The following SSX2IP variants were observed in gnomAD, a reference collection of about 807,000 sequenced individuals.
SSX2IP encodes the protein SSX family member 2 interacting protein.
Under a neutral mutation model 84.9 loss-of-function variants are expected in SSX2IP, and 55 were observed. The ratio of observed to expected loss-of-function variants is 0.65; its 90% CI spans 0.52 to 0.81. The LOEUF (loss-of-function observed/expected upper bound fraction) is 0.81. Among genes scored for constraint, SSX2IP ranks in the 30% least tolerant of loss-of-function variants. SSX2IP has a pLI of 0.00. For synonymous variants in SSX2IP, 239 were observed against 234.7 expected, an observed-to-expected ratio of 1.02 and a Z score of -0.17; for missense variants, 664 against 705.2, an observed-to-expected ratio of 0.94 and a Z score of 0.66.
At chr1:84,669,546 T>C (rs562391303) in intron 4 of SSX2IP, 135 bp downstream of exon 4, 29 of 688,466 alleles carry the variant, frequency 4.2e-5, no homozygotes, top group Admixed American at 5.8e-5. Flanking sequence ...AAATTATAAG[T>C]TCACTTTTAC....
At position 84,662,185 on chromosome 1, in the gene SSX2IP, A is replaced by G. The variant is rs1652094284; in HGVS notation, c.927+13T>C. The G allele has an allele frequency of 6.5e-7, 1 of 1,541,890 alleles. No individual in the cohort carries two copies. Among genetic ancestry groups the G allele is most frequent in the African/African-American group, 1.4e-5 (1 of 71,906 alleles). ...AATCTGAAGACTGTATTAGAGAGGA[A>G]AGAGCCACTTACAGTTCCTGTACTA... On this transcript the variant is annotated intron_variant, in intron 8 of 13. Coordinates refer to ENST00000342203, the MANE Select transcript of SSX2IP (RefSeq NM_001166293.2).
chr1:84,675,278 T>C (rs1166484261), intron 1 of SSX2IP, among the ~76,000 whole-genome samples: 1 of 152,190 alleles, frequency 6.6e-6, no homozygotes, highest in Non-Finnish European at 1.5e-5. Flanking sequence ...GAGAACAAAC[T>C]TAGTTTTCTA....
chr1:84,682,027 C>T (rs1254765568), intron 1 of SSX2IP, among the ~76,000 whole-genome samples: 1 of 152,216 alleles, frequency 6.6e-6, no homozygotes, highest in Non-Finnish European at 1.5e-5. Flanking sequence ...TTAACACCCT[C>T]TTCAAAAACA....
At chr1:84,664,662 TCC>T in intron 5 of SSX2IP, 110 bp from the exon 6 acceptor site, 1 of 952,038 alleles carries the variant, frequency 1.1e-6, no homozygotes, top group Non-Finnish European at 1.5e-6. Flanking sequence ...GGATGATTCT[TCC>T]TTATTTGTAA....
At position 84,644,416 on chromosome 1, in the gene SSX2IP, A is replaced by G. The variant is rs1223906192; in HGVS notation, c.*3017T>C. On this transcript the variant is annotated 3_prime_UTR_variant, in exon 14 of 14. Transcript: ENST00000342203. ...CACCAAGGATTGGAAAGCAGTAGTA[A>G]GCCTTGACATACAGCAGGTACTTAA... 6.6e-6 allele frequency: 1 copy of G among 152,234 alleles called. No individual in the cohort carries two copies. Among genetic ancestry groups the G allele is most frequent in the Non-Finnish European group, 1.5e-5 (1 of 68,036 alleles). 9.4% of individuals were successfully genotyped at this position (152,234 alleles called of 1,614,324 possible).
At position 84,669,849 on chromosome 1, in the gene SSX2IP, T is replaced by C; in HGVS notation, c.258A>G (p.Lys86=). 1 of 1,613,442 alleles carries C rather than the reference T, an allele frequency of 6.2e-7. No homozygotes were observed. Among genetic ancestry groups the C allele is most frequent in the Non-Finnish European group, 8.5e-7 (1 of 1,179,582 alleles). The change falls in exon 4 of 14, where the codon AAA becomes AAG. Residue 86 remains lysine, a synonymous_variant. Transcript: ENST00000342203. ...FGFPSLYEES[K]GKETKRELNI... Reference sequence around the variant, plus strand: ...TTAACTCTCTCTTTGTCTCTTTACCTTTGGATTCTTCATATAATGAAGGAA... The same window carrying C: ...TTAACTCTCTCTTTGTCTCTTTACCCTTGGATTCTTCATATAATGAAGGAA...
At chr1:84,680,030 G>C (rs1654866684) in intron 1 of SSX2IP, among the ~76,000 whole-genome samples, 3 of 152,134 alleles carry the variant, frequency 2.0e-5, no homozygotes, top group Non-Finnish European at 1.5e-5. Flanking sequence ...TTAAGAACCA[G>C]AAAAAACAGA....
intron 8 of SSX2IP, among the ~76,000 whole-genome samples, chr1:84,661,966 C>G (rs1403340998): frequency 6.6e-6 from 1 of 152,114 alleles, no homozygotes; most frequent in East Asian, 1.9e-4. Context: ...CACTTCTTAA[C>G]AGTGCTTGAC....
In SSX2IP at chr1:84,656,357, C is replaced by T. The variant is rs781364723; in HGVS notation, c.1206G>A (p.Gln402=). The change falls in exon 10 of 14, where the codon CAG becomes CAA. Residue 402 remains glutamine (Q), a synonymous_variant. Transcript: ENST00000342203. ...QCKEMIKTQQ[Q]LLQQQLATAY... ...GGTAATTCATATTCACCTGTAAAAG[C>T]TGTTGCTGAGTTTTAATCATTTCTT... is the stretch of plus-strand genomic sequence containing the variant. 3 of 1,610,522 alleles carry T rather than the reference C, an allele frequency of 1.9e-6. No homozygotes were observed. The highest frequency in any genetic ancestry group is 2.5e-6 in the Non-Finnish European group (3 of 1,178,924).
At chr1:84,653,586 A>G (rs1650645614) in intron 11 of SSX2IP, among the ~76,000 whole-genome samples, 1 of 152,194 alleles carries the variant, frequency 6.6e-6, no homozygotes, top group Non-Finnish European at 1.5e-5. Flanking sequence ...AATGTGGGGA[A>G]TAAGGGCTTG....
At chr1:84,649,832 G>A (rs1649963848) in intron 13 of SSX2IP, 1 of 420,818 alleles carries the variant, frequency 2.4e-6, no homozygotes, top group African/African-American at 2.1e-5. Flanking sequence ...CCAAAATGTA[G>A]CAATTAAGAG....
intron 2 of SSX2IP, 129 bp from the exon 3 acceptor site, chr1:84,670,944 T>A: frequency 1.2e-6 from 1 of 806,934 alleles, no homozygotes. Flanking sequence ...TACATACATA[T>A]TTTAAGGTAT....
intron 8 of SSX2IP, among the ~76,000 whole-genome samples, chr1:84,659,847 T>C (rs1376533473): frequency 1.3e-5 from 2 of 150,026 alleles, no homozygotes; most frequent in Non-Finnish European, 3.0e-5. Context: ...ATTTCTCAGA[T>C]TGAACAGAAC....
chr1:84,666,111 T>C lies in SSX2IP; in HGVS notation c.537+11A>G, dbSNP rs1652742848. 1.3e-6 allele frequency: 2 copies of C among 1,598,728 alleles called. No homozygotes were observed. The highest frequency in any genetic ancestry group is 4.5e-5 in the East Asian group (2 of 44,608). ...TCACTTAAACTTCATCTGCAATAAC[T>C]GACAACTCACCTCATCTTTCTCATT... On this transcript the variant is annotated intron_variant, in intron 5 of 13. Transcript: ENST00000342203.
At position 84,670,626 on chromosome 1, in the gene SSX2IP, T is replaced by G. The variant is rs1557506936; in HGVS notation, c.213+20A>C. ...TATATAACATGATTTATGCTACTGT[T>G]TTTTACAAAAACATGTTACCTGATC... On this transcript the variant is annotated intron_variant, in intron 3 of 13. Coordinates refer to ENST00000342203, the MANE Select transcript of SSX2IP (RefSeq NM_001166293.2). 6.5e-7 allele frequency: 1 copy of G among 1,538,774 alleles called. No individual in the cohort carries two copies. Among genetic ancestry groups the G allele is most frequent in the Non-Finnish European group, 8.8e-7 (1 of 1,132,480 alleles).
intron 1 of SSX2IP, among the ~76,000 whole-genome samples, chr1:84,689,157 C>T (rs1260652946): frequency 6.6e-6 from 1 of 152,164 alleles, no homozygotes; most frequent in East Asian, 1.9e-4. Flanking sequence ...CATAAATCTA[C>T]CTCTAACTTC....
intron 3 of SSX2IP, 167 bp from the exon 4 acceptor site, chr1:84,670,060 T>A: frequency 1.8e-6 from 1 of 551,990 alleles, no homozygotes; most frequent in Non-Finnish European, 3.2e-6. Context: ...GCTGAGCAAG[T>A]AAATTCTCAC....
rs989737550 is a variant in SSX2IP at position 84,688,687 on chromosome 1, A to G, written c.-90+1684T>C. On this transcript the variant is annotated intron_variant, in intron 1 of 13. Coordinates refer to ENST00000342203, the MANE Select transcript of SSX2IP (RefSeq NM_001166293.2). ...CAGCGTAACATTTTAGTTTTCTCAT[A>G]TATCTGCCTCATTATGTTTAGAACA... is the stretch of plus-strand genomic sequence containing the variant. 2.0e-5 allele frequency among the ~76,000 whole-genome samples: 3 copies of G among 152,196 alleles called. No homozygotes were observed. The East Asian group carries it at 5.8e-4, about 29-fold the overall frequency.
Position 84,656,059 on chromosome 1 carries a change from G to A in SSX2IP, c.1216-54C>T, listed in dbSNP as rs891992921. 1.3e-5 allele frequency: 19 copies of A among 1,474,952 alleles called. No homozygotes were observed. The East Asian group carries it at 2.3e-4, about 18-fold the overall frequency. The allele number at this position is 1,474,952 out of a possible 1,614,324, so 91.4% of individuals were successfully genotyped here. A position where few individuals can be genotyped will look rare whatever the true frequency, so the allele number is the denominator to read the frequency against. The stretch of plus-strand genomic sequence containing the variant: ...CTGAGGGACCTTGCGACACTCCAAC[G>A]AGTTGAAATGAAAGCAAGGGAAGGC... On this transcript the variant is annotated intron_variant, in intron 10 of 13. Transcript: ENST00000342203.
Sources: gnomAD v4.1 joint callset for allele counts (sites outside exome capture counted in the v4.1 genomes callset) on GRCh38, gnomAD v4.1.1 for gene constraint, MANE v1.5 for transcripts, NCBI Gene and HGNC (gene_info 2026-07-23, HGNC 2026-07-21) for gene names.